Variants in RGS6 observed in about 807,000 individuals in gnomAD.
RGS6 encodes the protein regulator of G protein signaling 6.
In RGS6, 30 loss-of-function variants were observed where a neutral mutation model predicts 78.5. The ratio of observed to expected loss-of-function variants is 0.38; its 90% CI spans 0.29 to 0.52. The LOEUF is 0.52. Ranked by LOEUF, RGS6 falls within the 20% of genes least tolerant of loss-of-function variation. The pLI is 0.85. For synonymous variants in RGS6, 206 were observed against 206.0 expected, an observed-to-expected ratio of 1.00 and a Z score of 0.00; for missense variants, 495 against 609.7, an observed-to-expected ratio of 0.81 and a Z score of 1.98.
Position 72,250,354 on chromosome 14 carries a change from G to A in RGS6, c.85-101741G>A, listed in dbSNP as rs1325591857. ...TCTTCCTTGAATTTGTAAGAAAGTGGCTTTTCAGTGGGTTGACCTCTTGGC... is the reference window on the plus strand; with the variant it reads ...TCTTCCTTGAATTTGTAAGAAAGTGACTTTTCAGTGGGTTGACCTCTTGGC... On this transcript the variant is annotated intron_variant, in intron 2 of 17. Coordinates refer to ENST00000553525, the MANE Select transcript of RGS6 (RefSeq NM_001204424.2). Among the ~76,000 whole-genome samples, 4 of 140,280 alleles carry A rather than the reference G, an allele frequency of 2.9e-5. No homozygotes were observed. In the East Asian group the frequency reaches 8.4e-4, roughly 29 times the overall value. 92.0% of individuals were successfully genotyped at this position (140,280 alleles called of 152,430 possible).
chr14:72,253,675 A>C (rs1212385491), intron 2 of RGS6, among the ~76,000 whole-genome samples: 1 of 152,168 alleles, frequency 6.6e-6, no homozygotes, highest in Non-Finnish European at 1.5e-5. Flanking sequence ...TGGGTGTGGC[A>C]CTTGCTTTGC....
chr14:71,953,672 TG>T (rs1231384578), intron 1 of RGS6, among the ~76,000 whole-genome samples: 1 of 152,166 alleles, frequency 6.6e-6, no homozygotes, highest in Non-Finnish European at 1.5e-5. Context: ...ATATTTTTTT[TG>T]TCCTATGAAC....
At chr14:72,207,777 C>T (rs2043052144) in intron 2 of RGS6, among the ~76,000 whole-genome samples, 1 of 152,198 alleles carries the variant, frequency 6.6e-6, no homozygotes, top group Non-Finnish European at 1.5e-5. Context: ...TAGGCACTCT[C>T]CCTTTTCCTG....
At chr14:71,982,767 C>T (rs893050442) in intron 2 of RGS6, among the ~76,000 whole-genome samples, 11 of 152,188 alleles carry the variant, frequency 7.2e-5, no homozygotes, top group Non-Finnish European at 1.3e-4. Flanking sequence ...AGGTCATGGC[C>T]TCACAAACTC....
chr14:72,096,293 A>G (rs12894109), intron 2 of RGS6, among the ~76,000 whole-genome samples: 51,402 of 150,748 alleles, frequency 0.34, 9,580 homozygotes, highest in Admixed American at 0.41. Flanking sequence ...AAAAAAAAAA[A>G]GAAAAGAAAA....
chr14:72,405,745 A>T (rs572797904), intron 3 of RGS6, among the ~76,000 whole-genome samples: 3 of 152,196 alleles, frequency 2.0e-5, no homozygotes, highest in African/African-American at 7.2e-5. Context: ...CCACATTAGC[A>T]CTAGGTCTCC....
intron 2 of RGS6, among the ~76,000 whole-genome samples, chr14:72,093,602 T>C (rs2095333794): frequency 6.6e-6 from 1 of 152,198 alleles, no homozygotes; most frequent in South Asian, 2.1e-4. Context: ...AGTTTGCTTT[T>C]TTCCCCCCAC....
rs973201274 is a variant in RGS6, at chr14:72,547,304, C to G, written c.1422+7210C>G. ...GAGGAGACCCAACTCTGCCTGTGGT[C>G]CAGACTGGAAAGTTCAAAGAGAAGT... On this transcript the variant is annotated intron_variant, in intron 17 of 17. Coordinates refer to ENST00000553525, the MANE Select transcript of RGS6 (RefSeq NM_001204424.2). 2.0e-6 allele frequency: 3 copies of G among 1,535,498 alleles called. No homozygotes were observed. In the African/African-American group the frequency reaches 4.1e-5, roughly 21 times the overall value.
chr14:71,880,433 TCA>T, the RGS6 span, among the ~76,000 whole-genome samples: 8 of 152,184 alleles, frequency 5.3e-5, no homozygotes, highest in Non-Finnish European at 7.4e-5. Context: ...GCCCCTCCTA[TCA>T]CAGGCTCAGA....
intron 2 of RGS6, among the ~76,000 whole-genome samples, chr14:72,156,130 T>C (rs2153649576): frequency 6.6e-6 from 1 of 152,306 alleles, no homozygotes; most frequent in Non-Finnish European, 1.5e-5. Flanking sequence ...CTGAAGGGGC[T>C]GGTCAGCAAG....
rs373770077 is a variant in RGS6, at chr14:71,953,495, G to A, written c.-20-11277G>A. On this transcript the variant is annotated intron_variant, in intron 1 of 17. Coordinates refer to ENST00000553525, the MANE Select transcript of RGS6 (RefSeq NM_001204424.2). Reference sequence around the variant, plus strand: ...ACTGTTCTTTCAACTTTTTTTTCAAGCATCTAAAAATGTAAAAACAATTCT... The same window carrying A: ...ACTGTTCTTTCAACTTTTTTTTCAAACATCTAAAAATGTAAAAACAATTCT... Among the ~76,000 whole-genome samples the A allele has an allele frequency of 2.6e-4, 39 of 151,654 alleles. 1 individual carries two copies. In the East Asian group the frequency reaches 2.9e-3, roughly 11 times the overall value.
At chr14:71,928,913 C>CA (rs1457337909), upstream of RGS6, among the ~76,000 whole-genome samples, 1 of 152,162 alleles carries the variant, frequency 6.6e-6, no homozygotes, top group African/African-American at 2.4e-5. Context: ...CCATGGTGAT[C>CA]ATTTTATAAA....
At chr14:72,116,671 A>C (rs2095893865) in intron 2 of RGS6, among the ~76,000 whole-genome samples, 1 of 152,044 alleles carries the variant, frequency 6.6e-6, no homozygotes, top group African/African-American at 2.4e-5. Context: ...TGCTCTTAAG[A>C]ATATAAAGTA....
chr14:72,025,489 G>C (rs1382965279), intron 2 of RGS6, among the ~76,000 whole-genome samples: 1 of 152,146 alleles, frequency 6.6e-6, no homozygotes, highest in African/African-American at 2.4e-5. Context: ...TAACCTCTGA[G>C]AGAGGTTGAA....
intron 2 of RGS6, among the ~76,000 whole-genome samples, chr14:72,052,218 G>A (rs770732829): frequency 1.4e-4 from 22 of 152,200 alleles, no homozygotes; most frequent in South Asian, 4.2e-4. Flanking sequence ...TAGTCAAATA[G>A]CATTGTGATC....
intron 3 of RGS6, among the ~76,000 whole-genome samples, chr14:72,374,939 C>A (rs1359293171): frequency 6.6e-6 from 1 of 152,136 alleles, no homozygotes; most frequent in Non-Finnish European, 1.5e-5. Context: ...CAAATGGAAT[C>A]TCTGCAAATG....
rs181268487 is a variant in RGS6, at chr14:72,287,749, C to T, written c.85-64346C>T. 5.0e-4 allele frequency among the ~76,000 whole-genome samples: 76 copies of T among 152,344 alleles called. 3 individuals are homozygous for T. In the East Asian group the frequency reaches 0.012, roughly 24 times the overall value. On this transcript the variant is annotated intron_variant, in intron 2 of 17. Transcript: ENST00000553525. ...TTGGGATTACAGGCATGAGCCACCACGCCCAGCCAACTTTTTTATATTGAG... is the reference window on the plus strand; with the variant it reads ...TTGGGATTACAGGCATGAGCCACCATGCCCAGCCAACTTTTTTATATTGAG...
At chr14:71,916,620 C>T in the RGS6 span, among the ~76,000 whole-genome samples, 1,387 of 152,212 alleles carry the variant, frequency 9.1e-3, 15 homozygotes, top group African/African-American at 0.031. Flanking sequence ...CTCCAGACGC[C>T]GAGCCCGACC....
chr14:71,962,753 T>C (rs575826068), intron 1 of RGS6, among the ~76,000 whole-genome samples: 1 of 152,350 alleles, frequency 6.6e-6, no homozygotes, highest in Admixed American at 6.5e-5. Flanking sequence ...CAGGTAGTGT[T>C]ATTCGAATGG....
Sources: gnomAD v4.1 joint callset for allele counts (sites outside exome capture counted in the v4.1 genomes callset) on GRCh38, gnomAD v4.1.1 for gene constraint, MANE v1.5 for transcripts, NCBI Gene and HGNC (gene_info 2026-07-23, HGNC 2026-07-21) for gene names.